TEX11: variants seen among roughly 807,000 people sequenced by gnomAD.
TEX11 encodes testis expressed 11, also known as testis-expressed protein 11.
TEX11 carries 7 observed loss-of-function variants against 84.4 expected under a neutral mutation model. The ratio of observed to expected loss-of-function variants is 0.08; its 90% confidence interval spans 0.05 to 0.16. The LOEUF is 0.16. Among genes scored for constraint, TEX11 ranks in the 10% least tolerant of loss-of-function variants. TEX11 has a pLI of 1.00. For synonymous variants in TEX11, 264 were observed against 222.8 expected (o/e 1.18, Z -1.64); for missense variants, 551 against 660.5 (o/e 0.83, Z 1.82).
chrX:70,542,909 C>T (rs745445249), intron 28 of TEX11, among the ~76,000 whole-genome samples: 24 of 112,143 alleles, frequency 2.1e-4, no homozygotes, highest in Admixed American at 7.5e-4. Flanking sequence ...AGGCTGGGCG[C>T]GGTGGCTCAC....
chrX:70,520,177 C>T, the TEX11 span, among the ~76,000 whole-genome samples: 1 of 111,840 alleles, frequency 8.9e-6, no homozygotes, highest in Admixed American at 9.6e-5. Flanking sequence ...GGAGCTGTGA[C>T]CCTTTGGAGG....
intron 28 of TEX11, among the ~76,000 whole-genome samples, chrX:70,541,807 T>C (rs1407576665): frequency 8.9e-6 from 1 of 112,289 alleles, no homozygotes; most frequent in Non-Finnish European, 1.9e-5. Flanking sequence ...CTGTGTTATT[T>C]CTTACAAATG....
At chrX:70,852,953 C>T in intron 7 of TEX11, 81 bp downstream of exon 7, 1 of 982,706 alleles carries the variant, frequency 1.0e-6, no homozygotes, top group East Asian at 3.2e-5. Flanking sequence ...TGACTTTCTT[C>T]CAATAGGCTA....
chrX:70,679,497 C>T (rs1331502448), intron 14 of TEX11, among the ~76,000 whole-genome samples: 2 of 104,752 alleles, frequency 1.9e-5, no homozygotes, highest in Non-Finnish European at 4.0e-5. Context: ...AAGTGAGGAG[C>T]GCCTCTTCCC....
At chrX:70,568,696 T>C (rs1007153386) in intron 25 of TEX11, among the ~76,000 whole-genome samples, 2 of 111,628 alleles carry the variant, frequency 1.8e-5, no homozygotes, top group Non-Finnish European at 3.8e-5. Flanking sequence ...AAATTCTGCA[T>C]TGAAAATTCT....
chrX:70,730,679 C>T (rs948246866), intron 11 of TEX11, among the ~76,000 whole-genome samples: 18 of 111,575 alleles, frequency 1.6e-4, no homozygotes, highest in Admixed American at 3.8e-4. Context: ...TACAAAGAGA[C>T]GTAGACTCCC....
chrX:70,780,209 G>A (rs973792338), intron 9 of TEX11, among the ~76,000 whole-genome samples: 2 of 111,939 alleles, frequency 1.8e-5, no homozygotes, highest in African/African-American at 3.2e-5. Flanking sequence ...GGGAGGCAAA[G>A]GTTGCAGTAA....
At chrX:70,908,517 G>C (rs777037441) in intron 1 of TEX11, 137 bp downstream of exon 1, 1 of 112,522 alleles carries the variant, frequency 8.9e-6, no homozygotes, top group African/African-American at 3.2e-5. Context: ...CAGTTCTGTA[G>C]TACAAAGTCA....
At chrX:70,731,696 T>G (rs1164957321) in intron 11 of TEX11, among the ~76,000 whole-genome samples, 48 of 109,903 alleles carry the variant, frequency 4.4e-4, no homozygotes, top group African/African-American at 1.5e-3. Flanking sequence ...CAGGACCAGA[T>G]GGATTCACAG....
chrX:70,838,878 C>G (rs1197020288), intron 7 of TEX11, among the ~76,000 whole-genome samples: 1 of 112,466 alleles, frequency 8.9e-6, no homozygotes, highest in African/African-American at 3.2e-5. Flanking sequence ...CATGGAGTCT[C>G]GCTCATTGCT....
rs768159106 is a variant in TEX11 at position 70,640,950 on chromosome X, C to T, written c.1483+10500G>A. Among the ~76,000 whole-genome samples the T allele has an allele frequency of 4.9e-3, 538 of 110,676 alleles. 2 individuals carry two copies. The highest frequency in any genetic ancestry group is 8.7e-3 in the Non-Finnish European group (461 of 52,892). ...ACCTTAAATGTAAATGGACTAAATG[C>T]TCCAATTAAAAGACACAGACTGGCA... On this transcript the variant is annotated intron_variant, in intron 17 of 29. Coordinates refer to ENST00000374333, the MANE Select transcript of TEX11 (RefSeq NM_031276.3).
intron 28 of TEX11, 88 bp from the exon 29 acceptor site, chrX:70,530,087 TAAAC>T: frequency 1.2e-6 from 1 of 826,758 alleles, no homozygotes; most frequent in South Asian, 2.4e-5. Flanking sequence ...CCTTTATTAC[TAAAC>T]AAACAATAGG....
chrX:70,569,895 G>T (rs1181603294), intron 25 of TEX11, among the ~76,000 whole-genome samples: 1 of 111,872 alleles, frequency 8.9e-6, no homozygotes, highest in African/African-American at 3.2e-5. Context: ...CTGATTCTCA[G>T]ATCTCCAGCT....
intron 8 of TEX11, among the ~76,000 whole-genome samples, chrX:70,813,508 C>A (rs753510382): frequency 2.9e-3 from 320 of 111,364 alleles, no homozygotes; most frequent in Non-Finnish European, 4.2e-3. Context: ...AATGGGCAAA[C>A]ACTGGAAGCA....
intron 28 of TEX11, among the ~76,000 whole-genome samples, chrX:70,549,411 T>C (rs2088182936): frequency 9.0e-6 from 1 of 111,178 alleles, no homozygotes; most frequent in Admixed American, 9.5e-5. Flanking sequence ...GGATTTTGTA[T>C]TGCAGCTTAG....
At chrX:70,570,497 G>A (rs1008772824) in intron 25 of TEX11, among the ~76,000 whole-genome samples, 6 of 112,146 alleles carry the variant, frequency 5.4e-5, no homozygotes, top group Admixed American at 2.8e-4. Flanking sequence ...CGTCTTCTGC[G>A]TCGCTCACGC....
chrX:70,651,222 C>T lies in TEX11; in HGVS notation c.1483+228G>A, dbSNP rs187418118. On this transcript the variant is annotated intron_variant, in intron 17 of 29. Coordinates refer to ENST00000374333, the MANE Select transcript of TEX11 (RefSeq NM_031276.3). ...TAAGACTTTCCCCTAATTCTTGTCC[C>T]GCGTTTGCCCAGTTCCTATTCCCTC... is the stretch of plus-strand genomic sequence containing the variant. Among the ~76,000 whole-genome samples, 325 of 111,633 alleles carry T rather than the reference C, an allele frequency of 2.9e-3. 1 individual carries two copies. The highest frequency in any genetic ancestry group is 0.01 in the African/African-American group (309 of 30,845).
At chrX:70,900,289 T>G (rs1159091109) in intron 2 of TEX11, among the ~76,000 whole-genome samples, 2 of 105,973 alleles carry the variant, frequency 1.9e-5, no homozygotes, top group African/African-American at 6.9e-5. Context: ...GAGAATCGCT[T>G]GAACCCGGGA....
At chrX:70,629,772 C>T in intron 17 of TEX11, 37 bp from the exon 18 acceptor site, 1 of 969,528 alleles carries the variant, frequency 1.0e-6, no homozygotes, top group Non-Finnish European at 1.4e-6. Context: ...ATGATATACT[C>T]TAATCAAAGA....
Sources: gnomAD v4.1 joint callset for allele counts (sites outside exome capture counted in the v4.1 genomes callset) on GRCh38, gnomAD v4.1.1 for gene constraint, MANE v1.5 for transcripts, NCBI Gene and HGNC (gene_info 2026-07-23, HGNC 2026-07-21) for gene names.